The following DNAH5 variants were observed in gnomAD, a reference collection of about 807,000 sequenced individuals.
DNAH5 encodes axonemal beta dynein heavy chain 5.
A neutral mutation model predicts 518.2 loss-of-function variants in DNAH5; 372 were observed. The observed-to-expected ratio is 0.72, with a 90% CI of 0.66 to 0.78. The LOEUF is 0.78. DNAH5 is among the 30% of genes least tolerant of loss of function. The probability of loss-of-function intolerance (pLI) is 0.00; values close to 1 mark genes in which losing one functional copy is unlikely to be tolerated. For missense variants in DNAH5, 5,523 were observed against 5,687.0 expected, an observed-to-expected ratio of 0.97 and a Z score of 0.93; for synonymous variants, 2,039 against 2,025.9, an observed-to-expected ratio of 1.01 and a Z score of -0.17.
At chr5:13,992,530 A>G (rs10066303) in intron 1 of DNAH5, among the ~76,000 whole-genome samples, 51,467 of 152,112 alleles carry the variant, frequency 0.34, 9,374 homozygotes, top group East Asian at 0.79. Context: ...GTGATGTGCT[A>G]GGCCCTGTTT....
At chr5:13,811,066 G>T (rs565836943) in intron 44 of DNAH5, among the ~76,000 whole-genome samples, 1 of 152,242 alleles carries the variant, frequency 6.6e-6, no homozygotes, top group South Asian at 2.1e-4. Flanking sequence ...TAGAAGGATG[G>T]TTACCAGAGG....
intron 55 of DNAH5, among the ~76,000 whole-genome samples, chr5:13,773,429 A>C (rs1398420293): frequency 6.6e-6 from 1 of 152,140 alleles, no homozygotes; most frequent in Non-Finnish European, 1.5e-5. Context: ...GTGTGAAAGG[A>C]TAAGGATGAT....
chr5:13,964,083 C>CT, intron 1 of DNAH5, among the ~76,000 whole-genome samples: 1 of 152,342 alleles, frequency 6.6e-6, no homozygotes, highest in African/African-American at 2.4e-5. Context: ...CCACAGTAGT[C>CT]TGATAGGACT....
In DNAH5 at chr5:13,820,596, G is replaced by A. The variant is rs564727275; in HGVS notation, c.6688-97C>T. The stretch of plus-strand genomic sequence containing the variant: ...TCCCAACAATTTGGGAGGCCGAGGC[G>A]GGCAGATCACAAGGTCAGGAGTTCA... On this transcript the variant is annotated intron_variant, in intron 40 of 78. Coordinates refer to ENST00000265104, the MANE Select transcript of DNAH5 (RefSeq NM_001369.3). 1.2e-4 allele frequency: 172 copies of A among 1,409,762 alleles called. 1 individual carries two copies. The South Asian group carries it at 1.3e-3, about 11-fold the overall frequency. The allele number at this position is 1,409,762 out of a possible 1,614,324, so 87.3% of individuals were successfully genotyped here. A position where few individuals can be genotyped will look rare whatever the true frequency, so the allele number is the denominator to read the frequency against.
At chr5:13,791,469 G>C (rs1276039131) in intron 50 of DNAH5, among the ~76,000 whole-genome samples, 1 of 141,018 alleles carries the variant, frequency 7.1e-6, no homozygotes, top group African/African-American at 2.6e-5. Context: ...TTCGTAAGCT[G>C]CTGCCTCTCC....
intron 68 of DNAH5, among the ~76,000 whole-genome samples, chr5:13,733,191 CTG>C (rs1746856475): frequency 6.6e-6 from 1 of 152,112 alleles, no homozygotes; most frequent in Non-Finnish European, 1.5e-5. Context: ...GACAAGGAAA[CTG>C]GAGTTTGAAA....
intron 8 of DNAH5, 92 bp from the exon 9 acceptor site, chr5:13,916,547 T>A: frequency 1.5e-6 from 1 of 645,832 alleles, no homozygotes; most frequent in Non-Finnish European, 2.8e-6. Flanking sequence ...AAATAAAGTT[T>A]AAGAGCTTTC....
At chr5:14,002,245 T>C (rs772730982) in intron 1 of DNAH5, among the ~76,000 whole-genome samples, 3 of 152,178 alleles carry the variant, frequency 2.0e-5, no homozygotes, top group Non-Finnish European at 4.4e-5. Flanking sequence ...AAAAAATCAG[T>C]TAGAAAAAAC....
intron 2 of DNAH5, among the ~76,000 whole-genome samples, chr5:13,929,068 A>C (rs978852924): frequency 3.3e-5 from 5 of 152,246 alleles, no homozygotes; most frequent in Admixed American, 3.3e-4. Flanking sequence ...CATTACTCAC[A>C]ATAGCTTCCA....
rs772942970 is a variant in DNAH5 at position 13,841,690 on chromosome 5, A to C, written c.5484+2T>G. 1 of 1,605,808 alleles carries C rather than the reference A, an allele frequency of 6.2e-7. No homozygotes were observed. The highest frequency in any genetic ancestry group is 1.1e-5 in the South Asian group (1 of 90,942). On this transcript the variant is annotated splice_donor_variant, in intron 33 of 78. Transcript: ENST00000265104. LOFTEE classifies it high-confidence loss of function. ...CATACTTTCAAATTTCAATACACTG[A>C]CCTGAGCAGGGAAGGATGAAAGAAA...
intron 1 of DNAH5, among the ~76,000 whole-genome samples, chr5:13,980,199 A>C (rs1167203292): frequency 6.6e-6 from 1 of 151,912 alleles, no homozygotes; most frequent in Non-Finnish European, 1.5e-5. Flanking sequence ...CTGACCCTGC[A>C]CTGACCTGCT....
At chr5:13,783,576 G>A (rs1048533774) in intron 52 of DNAH5, among the ~76,000 whole-genome samples, 5 of 152,090 alleles carry the variant, frequency 3.3e-5, no homozygotes, top group East Asian at 3.9e-4. Flanking sequence ...AGCATGACTC[G>A]GGAGGCTGGC....
chr5:13,729,373 A>T lies in DNAH5; in HGVS notation c.11883+66T>A, dbSNP rs150436839. On this transcript the variant is annotated intron_variant, in intron 69 of 78. Coordinates refer to ENST00000265104, the MANE Select transcript of DNAH5 (RefSeq NM_001369.3). ...ACTATCTCTCTTCCACAAATATTGT[A>T]CCTAGTGATAAATCAGAAAGCTGCT... 5.9e-4 allele frequency: 935 copies of T among 1,597,444 alleles called. 6 individuals are homozygous for T. In the African/African-American group the frequency reaches 0.011, roughly 18 times the overall value.
Position 13,838,747 on chromosome 5 carries a change from C to A in DNAH5, c.5882+609G>T, listed in dbSNP as rs1764752511. ...ATCAACCCGAAACCATCACCCACCC[C>A]CTGGTCTGTAGAAAAATTGTCTTCC... On this transcript the variant is annotated intron_variant, in intron 35 of 78. Transcript: ENST00000265104. Among the ~76,000 whole-genome samples, 5 of 152,274 alleles carry A rather than the reference C, an allele frequency of 3.3e-5. No individual in the cohort carries two copies. In the South Asian group the frequency reaches 1.0e-3, roughly 32 times the overall value.
At chr5:13,802,636 C>T (rs917355782) in intron 47 of DNAH5, among the ~76,000 whole-genome samples, 1 of 152,152 alleles carries the variant, frequency 6.6e-6, no homozygotes, top group African/African-American at 2.4e-5. Flanking sequence ...AGGAAAGCAA[C>T]ATTGGAAGGG....
At chr5:13,754,101 A>G (rs1033338472) in intron 62 of DNAH5, 102 bp downstream of exon 62, 5 of 1,374,654 alleles carry the variant, frequency 3.6e-6, no homozygotes, top group South Asian at 3.5e-5. Flanking sequence ...ATATGTATAC[A>G]TGCGCCATGT....
At chr5:13,777,092 C>A in intron 54 of DNAH5, 110 bp downstream of exon 54, 2 of 1,039,552 alleles carry the variant, frequency 1.9e-6, no homozygotes, top group Non-Finnish European at 2.9e-6. Flanking sequence ...TCACTTAATA[C>A]CCATCCCCAA....
chr5:13,842,450 A>AGAAAGAAG (rs1265413524), intron 32 of DNAH5, among the ~76,000 whole-genome samples: 4 of 116,616 alleles, frequency 3.4e-5, no homozygotes, highest in African/African-American at 1.1e-4. Flanking sequence ...AAAGAAAGAA[A>AGAAAGAAG]GAAAGAAAGA....
chr5:13,839,224 A>G, intron 35 of DNAH5, 132 bp downstream of exon 35: 1 of 784,972 alleles, frequency 1.3e-6, no homozygotes. Flanking sequence ...AGCTGATAAT[A>G]AAGCTAAAAA....
Sources: allele counts gnomAD v4.1 joint callset (sites outside exome capture counted in the v4.1 genomes callset), GRCh38; gene constraint gnomAD v4.1.1; transcripts MANE v1.5; gene names NCBI Gene and HGNC (gene_info 2026-07-23, HGNC 2026-07-21).